The following MEF2B variants were observed in gnomAD, a reference collection of about 807,000 sequenced individuals.
The protein encoded by MEF2B is myocyte-specific enhancer factor 2B.
Under a neutral mutation model 32.2 loss-of-function variants are expected in MEF2B, and 15 were observed. The observed-to-expected ratio is 0.47, with a 90% CI of 0.31 to 0.72. MEF2B has a LOEUF of 0.72. Ranked by LOEUF, MEF2B falls within the 30% of genes least tolerant of loss-of-function variation. MEF2B has a pLI of 0.05. For missense variants in MEF2B, 441 were observed against 511.5 expected (o/e 0.86, Z 1.33); for synonymous variants, 205 against 225.6 (o/e 0.91, Z 0.82).
chr19:19,149,265 G>A lies in MEF2B; in HGVS notation c.219C>T (p.Ser73=), dbSNP rs138206353. The stretch of plus-strand genomic sequence containing the variant: ...TGTTGGTGCGGCTCTCGTGGGGCTC[G>A]CTGTACTCTGTGTACTTCAGCAGCA... ...DRVLLKYTEY[S]EPHESRTNTD... is the part of the protein sequence containing the mutation. The change falls in exon 3 of 9, where the codon AGC becomes AGT. Residue 73 remains serine (S), a synonymous_variant. Coordinates refer to ENST00000424583, the MANE Select transcript of MEF2B (RefSeq NM_001145785.2). The A allele has an allele frequency of 2.3e-4, 376 of 1,613,914 alleles. 1 individual carries two copies. In the African/African-American group the frequency reaches 4.4e-3, roughly 19 times the overall value.
chr19:19,146,273 C>T lies in MEF2B; in HGVS notation c.881G>A (p.Ser294Asn). 1 of 1,320,684 alleles carries T rather than the reference C, an allele frequency of 7.6e-7. No homozygotes were observed. The highest frequency in any genetic ancestry group is 9.8e-7 in the Non-Finnish European group (1 of 1,024,514). 81.8% of individuals were successfully genotyped at this position (1,320,684 alleles called of 1,614,324 possible). A position where few individuals can be genotyped will look rare whatever the true frequency, so the allele number is the denominator to read the frequency against. The change falls in exon 8 of 9, where the codon AGT becomes AAT. Residue 294 changes from serine (S) to asparagine (N), a missense_variant and splice_region_variant. By Grantham distance (46) the Ser-to-Asn change is conservative. This residue lies in a region of MEF2B where 326 missense variants were observed against 328.4 expected (regional missense o/e 0.99). Transcript: ENST00000424583. ...CTTGCCGTCGTCTCAGGGCACTTAC[C>T]TGGGCTGGGAGGACACGGCGGGGGG... is the stretch of plus-strand genomic sequence containing the variant. ...DGPPAVSSQPSGGRSLGEEGP... is the reference protein window; with the variant it reads ...DGPPAVSSQPNGGRSLGEEGP...
At chr19:19,149,661 C>A (rs889642267) in intron 2 of MEF2B, among the ~76,000 whole-genome samples, 1 of 152,182 alleles carries the variant, frequency 6.6e-6, no homozygotes, top group Non-Finnish European at 1.5e-5. Context: ...CATGCTCTCT[C>A]TGGGCTTTCC....
At chr19:19,166,092 G>A (rs1038028811) in intron 1 of MEF2B, among the ~76,000 whole-genome samples, 3 of 152,096 alleles carry the variant, frequency 2.0e-5, no homozygotes, top group Non-Finnish European at 4.4e-5. Context: ...AGCGATAGTT[G>A]CCCTGTTTTG....
Position 19,165,020 on chromosome 19 carries a change from G to A in MEF2B, c.-30+5185C>T, listed in dbSNP as rs1052937168. ...CTGGGCAGAAGGGACCCTGCCCACA[G>A]CCCGGCAGCCCGAAGATGCAGCCAG... On this transcript the variant is annotated intron_variant, in intron 1 of 8. Coordinates refer to ENST00000424583, the MANE Select transcript of MEF2B (RefSeq NM_001145785.2). Among the ~76,000 whole-genome samples, 9 of 152,220 alleles carry A rather than the reference G, an allele frequency of 5.9e-5. No individual in the cohort carries two copies. The East Asian group carries it at 1.3e-3, about 23-fold the overall frequency.
intron 1 of MEF2B, among the ~76,000 whole-genome samples, chr19:19,167,701 T>C (rs569551121): frequency 2.8e-4 from 43 of 152,278 alleles, no homozygotes; most frequent in African/African-American, 9.9e-4. Flanking sequence ...AAATAAATCA[T>C]TCGTTGGGAT....
intron 1 of MEF2B, among the ~76,000 whole-genome samples, chr19:19,161,558 C>T (rs1400983944): frequency 6.6e-6 from 1 of 152,074 alleles, no homozygotes; most frequent in African/African-American, 2.4e-5. Context: ...AACACTCAGA[C>T]ATACCCAGAT....
At chr19:19,152,387 A>AAAAAAAAAAAAG (rs1555774946) in intron 1 of MEF2B, among the ~76,000 whole-genome samples, 67 of 146,760 alleles carry the variant, frequency 4.6e-4, no homozygotes, top group African/African-American at 1.6e-3. Context: ...TCTCAAAAAA[A>AAAAAAAAAAAAG]AAAAAGAAAA....
Position 19,145,837 on chromosome 19 carries a change from G to A in MEF2B, c.1067C>T (p.Ala356Val), listed in dbSNP as rs983476298. Residue 356 changes from alanine (A) to valine (V), a missense_variant, in exon 9 of 9, where the codon GCC (alanine) becomes GTC (valine). Coordinates refer to ENST00000424583, the MANE Select transcript of MEF2B (RefSeq NM_001145785.2). The surrounding 1 kb of genome is among the most constrained non-coding windows in gnomAD (Gnocchi z 4.6). ...SLAEPLRPGP[A>V]LRRLPLADGW... ...GTCGGCCAAGGGCAGCCGGCGCAGG[G>A]CGGGCCCAGGCCGCAGAGGCTCTGC... 8 of 1,515,138 alleles carry A rather than the reference G, an allele frequency of 5.3e-6. No homozygotes were observed. Among genetic ancestry groups the A allele is most frequent in the South Asian group, 1.2e-5 (1 of 80,762 alleles). The allele number at this position is 1,515,138 out of a possible 1,614,324, so 93.9% of individuals were successfully genotyped here. A position where few individuals can be genotyped will look rare whatever the true frequency, so the allele number is the denominator to read the frequency against.
rs184520800 is a variant in MEF2B, at chr19:19,158,911, C to T, written c.-29-8147G>A. ...GAGATCCTGTCACTGCACTCCAGCCCGGGCAACATTGTGAGACTGACTCGA... is the reference window on the plus strand; with the variant it reads ...GAGATCCTGTCACTGCACTCCAGCCTGGGCAACATTGTGAGACTGACTCGA... On this transcript the variant is annotated intron_variant, in intron 1 of 8. Transcript: ENST00000424583. Among the ~76,000 whole-genome samples, 76 of 151,502 alleles carry T rather than the reference C, an allele frequency of 5.0e-4. 1 individual carries two copies. Among genetic ancestry groups the T allele is most frequent in the African/African-American group, 1.8e-3 (73 of 41,358 alleles).
At chr19:19,156,197 G>A (rs906716804) in intron 1 of MEF2B, among the ~76,000 whole-genome samples, 4 of 152,176 alleles carry the variant, frequency 2.6e-5, no homozygotes, top group African/African-American at 9.7e-5. Context: ...CTCAGAAGAA[G>A]TAGAAAGCTT....
chr19:19,165,200 C>T (rs927355720), intron 1 of MEF2B, among the ~76,000 whole-genome samples: 1 of 152,124 alleles, frequency 6.6e-6, no homozygotes, highest in African/African-American at 2.4e-5. Context: ...GAGGCAACAG[C>T]AGCCACATAA....
chr19:19,165,475 A>C (rs10407382), intron 1 of MEF2B, among the ~76,000 whole-genome samples: 2,085 of 152,236 alleles, frequency 0.014, 43 homozygotes, highest in African/African-American at 0.048. Context: ...AGCCAGGTGG[A>C]CACAATGGCA....
Position 19,146,230 on chromosome 19 carries a change from G to A in MEF2B, c.881+43C>T, listed in dbSNP as rs192059129. 190 of 925,908 alleles carry A rather than the reference G, an allele frequency of 2.1e-4. No homozygotes were observed. The African/African-American group carries it at 2.7e-3, about 13-fold the overall frequency. The allele number at this position is 925,908 out of a possible 1,614,324, so 57.4% of individuals were successfully genotyped here. A position where few individuals can be genotyped will look rare whatever the true frequency, so the allele number is the denominator to read the frequency against. On this transcript the variant is annotated intron_variant, in intron 8 of 8. Transcript: ENST00000424583. ...GCCACCAGGGGTCAGCAGCGGCCGG[G>A]GCTTTGGAGGACTGGGACTTGCCGT...
At chr19:19,166,597 TAAA>T (rs56322437) in intron 1 of MEF2B, among the ~76,000 whole-genome samples, 1 of 130,176 alleles carries the variant, frequency 7.7e-6, no homozygotes, top group African/African-American at 2.9e-5. Context: ...CATCTCCAAT[TAAA>T]AAAAAAAAAA....
At chr19:19,151,677 C>A (rs929189448) in intron 1 of MEF2B, among the ~76,000 whole-genome samples, 1 of 152,296 alleles carries the variant, frequency 6.6e-6, no homozygotes, top group South Asian at 2.1e-4. Flanking sequence ...CAGGGTCACG[C>A]GGACCTACGC....
At chr19:19,160,176 G>A (rs1000578355) in intron 1 of MEF2B, among the ~76,000 whole-genome samples, 3 of 151,848 alleles carry the variant, frequency 2.0e-5, no homozygotes, top group Admixed American at 6.6e-5. Flanking sequence ...CAGCATGTTG[G>A]CCAGGCTGGT....
chr19:19,146,434 C>G (rs2060026737), intron 7 of MEF2B, 50 bp from the exon 8 acceptor site: 1 of 1,211,422 alleles, frequency 8.3e-7, no homozygotes, highest in East Asian at 2.7e-5. Context: ...CTTAAGCCTT[C>G]TGCAAACCTA....
chr19:19,156,798 T>C (rs958168910), intron 1 of MEF2B, among the ~76,000 whole-genome samples: 3 of 152,168 alleles, frequency 2.0e-5, no homozygotes, highest in Non-Finnish European at 4.4e-5. Flanking sequence ...ATTACAGCTA[T>C]GTGTCACCAC....
At chr19:19,167,227 T>C (rs762931055) in intron 1 of MEF2B, among the ~76,000 whole-genome samples, 15 of 151,760 alleles carry the variant, frequency 9.9e-5, no homozygotes, top group Non-Finnish European at 1.9e-4. Context: ...GGCACGCACC[T>C]GTAATTCCAG....
Sources: allele counts gnomAD v4.1 joint callset (sites outside exome capture counted in the v4.1 genomes callset), GRCh38; gene constraint gnomAD v4.1.1; regional missense constraint gnomAD v4.1.1; non-coding constraint Gnocchi (gnomAD v3.1); transcripts MANE v1.5; gene names NCBI Gene and HGNC (gene_info 2026-07-23, HGNC 2026-07-21).